ERC1: variants seen among roughly 807,000 people sequenced by gnomAD.
ERC1 encodes ELKS/RAB6-interacting/CAST family member 1.
In ERC1, 56 loss-of-function variants were observed where a neutral mutation model predicts 132.0. The ratio of observed to expected loss-of-function variants is 0.42; its 90% CI spans 0.34 to 0.53. The LOEUF (loss-of-function observed/expected upper bound fraction) is 0.53, where lower values mean the gene tolerates loss of function less well. Ranked by LOEUF, ERC1 falls within the 20% of genes least tolerant of loss-of-function variation. The pLI, the probability that ERC1 is intolerant of heterozygous loss-of-function variation, is 0.03. For missense variants in ERC1, 1,202 were observed against 1,349.9 expected (o/e 0.89, Z 1.72); for synonymous variants, 478 against 476.1 (o/e 1.00, Z -0.05).
In ERC1 at chr12:1,121,640, G is replaced by GATCTCTATCTCTATCTCTATCTCT. The variant is rs1186900552; in HGVS notation, c.1569+5624_1569+5647dup. 2.3e-4 allele frequency among the ~76,000 whole-genome samples: 20 copies of GATCTCTATCTCTATCTCTATCTCT among 88,612 alleles called. 3 individuals carry two copies. The highest frequency in any genetic ancestry group is 7.5e-4 in the African/African-American group (18 of 24,034). 58.1% of individuals were successfully genotyped at this position (88,612 alleles called of 152,430 possible). ...AGTGGCAAATGAAACAAAGGCTGAT[G>GATCTCTATCTCTATCTCTATCTCT]ATCTCTATCTCTATCTCTATCTCTA... On this transcript the variant is annotated intron_variant, in intron 7 of 18. Transcript: ENST00000360905.
At chr12:1,308,237 A>ACTG (rs1271686755) in intron 15 of ERC1, among the ~76,000 whole-genome samples, 2 of 144,280 alleles carry the variant, frequency 1.4e-5, no homozygotes, top group African/African-American at 5.1e-5. Context: ...TATTATTTGC[A>ACTG]TGAATGGTAG....
intron 12 of ERC1, chr12:1,204,215 G>GA (rs567602038): frequency 6.9e-4 from 205 of 298,980 alleles, no homozygotes; most frequent in African/African-American, 4.0e-3. Context: ...TTAAGAAATT[G>GA]TTTTTTTTTT....
At chr12:1,397,833 G>A (rs373544449) in intron 16 of ERC1, among the ~76,000 whole-genome samples, 1 of 152,062 alleles carries the variant, frequency 6.6e-6, no homozygotes, top group African/African-American at 2.4e-5. Flanking sequence ...AAGGAAAAAA[G>A]CAGTCCTTGA....
intron 12 of ERC1, among the ~76,000 whole-genome samples, chr12:1,214,181 C>A (rs1016977528): frequency 2.6e-5 from 4 of 151,984 alleles, no homozygotes; most frequent in African/African-American, 9.7e-5. Context: ...CAGAGATCTC[C>A]CAGGTAAACA....
intron 3 of ERC1, among the ~76,000 whole-genome samples, chr12:1,090,920 G>T (rs1943108808): frequency 3.0e-5 from 1 of 33,436 alleles, no homozygotes; most frequent in African/African-American, 5.9e-5. Context: ...TATCATTTGT[G>T]ACAGAGCTTT....
intron 7 of ERC1, among the ~76,000 whole-genome samples, chr12:1,132,334 T>G (rs1320632793): frequency 3.3e-5 from 5 of 152,164 alleles, no homozygotes; most frequent in African/African-American, 1.2e-4. Flanking sequence ...TTCCTAATAT[T>G]TATTATATGA....
At chr12:1,225,449 T>TAAA (rs139203394) in intron 12 of ERC1, among the ~76,000 whole-genome samples, 16,102 of 131,762 alleles carry the variant, frequency 0.12, 1,189 homozygotes, top group African/African-American at 0.21. Context: ...GGCTGTCTCT[T>TAAA]ACACACACAC....
chr12:1,014,182 T>C (rs2154140847), intron 1 of ERC1, among the ~76,000 whole-genome samples: 1 of 152,300 alleles, frequency 6.6e-6, no homozygotes, highest in East Asian at 1.9e-4. Context: ...GTTTTTTTTT[T>C]TGTTTGTTTT....
intron 2 of ERC1, among the ~76,000 whole-genome samples, chr12:1,082,578 C>T (rs950312071): frequency 6.6e-6 from 1 of 150,630 alleles, no homozygotes; most frequent in East Asian, 1.9e-4. Flanking sequence ...GCAATTCCCA[C>T]CTCTCAAGTT....
intron 2 of ERC1, among the ~76,000 whole-genome samples, chr12:1,060,300 A>G (rs1374618514): frequency 2.6e-5 from 4 of 151,588 alleles, no homozygotes; most frequent in Non-Finnish European, 5.9e-5. Context: ...AGCATTAGGT[A>G]TATCTCCTAA....
chr12:1,288,792 C>G (rs888581158), intron 14 of ERC1, among the ~76,000 whole-genome samples: 1 of 152,148 alleles, frequency 6.6e-6, no homozygotes, highest in Non-Finnish European at 1.5e-5. Context: ...AATTAACAAC[C>G]TAACATAAAG....
chr12:994,685 A>G (rs1960422302), intron 1 of ERC1, among the ~76,000 whole-genome samples: 1 of 152,258 alleles, frequency 6.6e-6, no homozygotes. Context: ...TTAAATACAT[A>G]TTATGTACCA....
intron 15 of ERC1, among the ~76,000 whole-genome samples, chr12:1,334,733 A>G (rs574875150): frequency 1.3e-5 from 2 of 152,264 alleles, no homozygotes; most frequent in East Asian, 3.9e-4. Context: ...TGGTTTTCAT[A>G]TGAATTTTAA....
At chr12:1,274,480 T>TTTTATTTATTTATTTATTTATTTA (rs368234236) in intron 14 of ERC1, among the ~76,000 whole-genome samples, 19 of 150,224 alleles carry the variant, frequency 1.3e-4, no homozygotes, top group African/African-American at 4.7e-4. Context: ...TTTTATTTTA[T>TTTTATTTATTTATTTATTTATTTA]TTTATTTATT....
rs558315797 is a variant in ERC1, at chr12:1,015,224, T to G, written c.-156-12524T>G. ...ACAGGCACACACCACCTTGCCCAGG[T>G]AAGTTTTGTATTTTGGTAGAGACAG... On this transcript the variant is annotated intron_variant, in intron 1 of 18. Transcript: ENST00000360905. Among the ~76,000 whole-genome samples the G allele has an allele frequency of 5.3e-5, 8 of 151,886 alleles. No individual in the cohort carries two copies. The South Asian group carries it at 1.7e-3, about 32-fold the overall frequency.
chr12:1,340,742 C>G (rs1364538566), intron 15 of ERC1, among the ~76,000 whole-genome samples: 1 of 152,044 alleles, frequency 6.6e-6, no homozygotes, highest in East Asian at 1.9e-4. Context: ...CACCTGGCTG[C>G]TTTTAGTAGG....
chr12:1,415,155 T>A (rs1049996424), intron 17 of ERC1, among the ~76,000 whole-genome samples: 1 of 152,220 alleles, frequency 6.6e-6, no homozygotes, highest in Non-Finnish European at 1.5e-5. Flanking sequence ...CTGAAAATCC[T>A]TCGGGTAGAA....
chr12:1,361,098 CAAA>C (rs760525917), intron 15 of ERC1, among the ~76,000 whole-genome samples: 5 of 48,118 alleles, frequency 1.0e-4, no homozygotes, highest in Non-Finnish European at 1.4e-4. Flanking sequence ...GGCTCTGTCT[CAAA>C]AAAAAAAAAA....
chr12:1,247,936 C>T (rs958374456), intron 13 of ERC1, among the ~76,000 whole-genome samples: 4 of 152,070 alleles, frequency 2.6e-5, no homozygotes, highest in Non-Finnish European at 5.9e-5. Flanking sequence ...GTGGAGGTTG[C>T]GGTGAGCCGA....
Sources: gnomAD v4.1 joint callset for allele counts (sites outside exome capture counted in the v4.1 genomes callset) on GRCh38, gnomAD v4.1.1 for gene constraint, MANE v1.5 for transcripts, NCBI Gene and HGNC (gene_info 2026-07-23, HGNC 2026-07-21) for gene names.